The following EIF3H variants were observed in gnomAD, a reference collection of about 807,000 sequenced individuals.
EIF3H encodes eIF-3-gamma.
Under a neutral mutation model 44.2 loss-of-function variants are expected in EIF3H, and 26 were observed. The ratio of observed to expected loss-of-function variants is 0.59; its 90% confidence interval spans 0.43 to 0.82. EIF3H has a LOEUF of 0.82. Ranked by LOEUF, EIF3H falls within the 40% of genes least tolerant of loss-of-function variation. The pLI is 0.00. For missense variants in EIF3H, 359 were observed against 432.8 expected, an observed-to-expected ratio of 0.83 and a Z score of 1.51; for synonymous variants, 166 against 151.9, an observed-to-expected ratio of 1.09 and a Z score of -0.68.
At chr8:116,761,586 G>A (rs1196951642) in intron 1 of EIF3H, among the ~76,000 whole-genome samples, 3 of 152,136 alleles carry the variant, frequency 2.0e-5, no homozygotes, top group African/African-American at 7.2e-5. Context: ...ACCTAACATG[G>A]TAGTATTTGT....
chr8:116,683,275 T>C lies in EIF3H; in HGVS notation c.290-24295A>G, dbSNP rs752329792. On this transcript the variant is annotated intron_variant, in intron 2 of 7. Coordinates refer to ENST00000521861, the MANE Select transcript of EIF3H (RefSeq NM_003756.3). ...AGACAAGGTGGCTTAAATAACAGGA[T>C]TGTATTTTCTTACAATTTCTAGAGG... 5.1e-4 allele frequency among the ~76,000 whole-genome samples: 78 copies of C among 152,196 alleles called. 1 individual carries two copies. Among genetic ancestry groups the C allele is most frequent in the Admixed American group, 2.6e-4 (4 of 15,282 alleles).
At chr8:116,673,515 ACT>A (rs993249317) in intron 2 of EIF3H, among the ~76,000 whole-genome samples, 1 of 152,152 alleles carries the variant, frequency 6.6e-6, no homozygotes, top group African/African-American at 2.4e-5. Context: ...ATGTTAAAAA[ACT>A]GTGATATTTT....
In EIF3H at chr8:116,648,654, A is replaced by G. The variant is rs1044411537; in HGVS notation, c.828+152T>C. The stretch of plus-strand genomic sequence containing the variant: ...AACCTGTAAATAATATGTTACAAAC[A>G]TGCCATAAAAATAATAATCTTTTAA... On this transcript the variant is annotated intron_variant, in intron 6 of 7. Transcript: ENST00000521861. 14 of 975,228 alleles carry G rather than the reference A, an allele frequency of 1.4e-5. No homozygotes were observed. The East Asian group carries it at 2.6e-4, about 18-fold the overall frequency. 60.4% of individuals were successfully genotyped at this position (975,228 alleles called of 1,614,324 possible). A position where few individuals can be genotyped will look rare whatever the true frequency, so the allele number is the denominator to read the frequency against.
At chr8:116,649,598 T>C (rs1057012046) in intron 5 of EIF3H, among the ~76,000 whole-genome samples, 1 of 152,192 alleles carries the variant, frequency 6.6e-6, no homozygotes, top group Non-Finnish European at 1.5e-5. Flanking sequence ...TGGTAACGCC[T>C]GGACAGCTAC....
At chr8:116,730,470 T>C (rs1355189627) in intron 1 of EIF3H, among the ~76,000 whole-genome samples, 1 of 152,138 alleles carries the variant, frequency 6.6e-6, no homozygotes, top group African/African-American at 2.4e-5. Context: ...GTGGAAAAAC[T>C]GTCTTTCACG....
At chr8:116,645,213 T>C in intron 7 of EIF3H, 110 bp from the exon 8 acceptor site, 1 of 784,500 alleles carries the variant, frequency 1.3e-6, no homozygotes, top group Non-Finnish European at 2.1e-6. Context: ...CTGTTTATTG[T>C]TTTGAATCCA....
intron 1 of EIF3H, among the ~76,000 whole-genome samples, chr8:116,752,762 AGGGAGGGAGG>A (rs1815376208): frequency 1.9e-4 from 5 of 25,818 alleles, no homozygotes; most frequent in African/African-American, 7.9e-4. Flanking sequence ...AGAGGGAGGG[AGGGAGGGAGG>A]GAGGGAGGGA....
At chr8:116,668,090 T>A (rs1435934111) in intron 2 of EIF3H, among the ~76,000 whole-genome samples, 1 of 152,210 alleles carries the variant, frequency 6.6e-6, no homozygotes, top group East Asian at 1.9e-4. Flanking sequence ...AGCCGTCAAT[T>A]GTGACTACTT....
At chr8:116,675,234 C>T (rs1328691229) in intron 2 of EIF3H, among the ~76,000 whole-genome samples, 1 of 152,208 alleles carries the variant, frequency 6.6e-6, no homozygotes, top group Non-Finnish European at 1.5e-5. Context: ...AAACCTATTT[C>T]AGACATATGT....
At chr8:116,737,899 G>T (rs1288027741) in intron 1 of EIF3H, among the ~76,000 whole-genome samples, 1 of 151,700 alleles carries the variant, frequency 6.6e-6, no homozygotes, top group Non-Finnish European at 1.5e-5. Flanking sequence ...GCCAGGCCTG[G>T]TGGTGTGCAA....
chr8:116,722,482 C>T (rs1222968536), intron 2 of EIF3H, among the ~76,000 whole-genome samples: 1 of 152,234 alleles, frequency 6.6e-6, no homozygotes, highest in Non-Finnish European at 1.5e-5. Context: ...TGTGTCCCCT[C>T]TATACCTCCC....
At chr8:116,751,445 A>T (rs1815341962) in intron 1 of EIF3H, among the ~76,000 whole-genome samples, 1 of 152,254 alleles carries the variant, frequency 6.6e-6, no homozygotes, top group African/African-American at 2.4e-5. Context: ...AGTAGCATAC[A>T]TTCTGATGAG....
intron 1 of EIF3H, among the ~76,000 whole-genome samples, chr8:116,738,515 A>C (rs572248401): frequency 3.3e-5 from 5 of 150,464 alleles, no homozygotes; most frequent in Non-Finnish European, 5.9e-5. Context: ...CAACATAAAG[A>C]GGTAACTAAC....
chr8:116,697,616 C>G (rs965312192), intron 2 of EIF3H, among the ~76,000 whole-genome samples: 1 of 152,162 alleles, frequency 6.6e-6, no homozygotes, highest in African/African-American at 2.4e-5. Flanking sequence ...ATGTTTACCC[C>G]CCTTACCAGA....
intron 2 of EIF3H, among the ~76,000 whole-genome samples, chr8:116,704,283 G>C (rs1451186492): frequency 6.6e-6 from 1 of 152,164 alleles, no homozygotes; most frequent in African/African-American, 2.4e-5. Flanking sequence ...TCTTAAAAGA[G>C]CCATATGGAT....
At chr8:116,730,555 T>C (rs1814934647) in intron 1 of EIF3H, among the ~76,000 whole-genome samples, 1 of 152,214 alleles carries the variant, frequency 6.6e-6, no homozygotes, top group Non-Finnish European at 1.5e-5. Flanking sequence ...CCTGATTAAA[T>C]ATAACTAAAT....
intron 3 of EIF3H, chr8:116,658,495 ACT>A: frequency 4.2e-6 from 1 of 237,956 alleles, no homozygotes; most frequent in Non-Finnish European, 8.1e-6. Flanking sequence ...AGAGCCAGAC[ACT>A]CTAGCAATCG....
intron 2 of EIF3H, among the ~76,000 whole-genome samples, chr8:116,702,296 G>C (rs1229471277): frequency 1.3e-5 from 2 of 152,162 alleles, no homozygotes; most frequent in African/African-American, 4.8e-5. Flanking sequence ...TGGAAGTAGT[G>C]TCAAGAAATA....
intron 1 of EIF3H, among the ~76,000 whole-genome samples, chr8:116,744,551 A>T (rs1387480312): frequency 6.6e-6 from 1 of 152,168 alleles, no homozygotes; most frequent in Non-Finnish European, 1.5e-5. Context: ...TTTGTCATCA[A>T]ACAGCTAAGT....
Sources: gnomAD v4.1 joint callset for allele counts (sites outside exome capture counted in the v4.1 genomes callset) on GRCh38, gnomAD v4.1.1 for gene constraint, MANE v1.5 for transcripts, NCBI Gene and HGNC (gene_info 2026-07-23, HGNC 2026-07-21) for gene names.